The following LRBA variants were observed in gnomAD, a reference collection of about 807,000 sequenced individuals.
LRBA encodes lipopolysaccharide-responsive and beige-like anchor protein.
Under a neutral mutation model 330.0 loss-of-function variants are expected in LRBA, and 176 were observed. The ratio of observed to expected loss-of-function variants is 0.53; its 90% confidence interval spans 0.47 to 0.60. The LOEUF (loss-of-function observed/expected upper bound fraction) is 0.60, where lower values mean the gene tolerates loss of function less well. Ranked by LOEUF, LRBA falls within the 20% of genes least tolerant of loss-of-function variation. LRBA has a pLI of 0.00. For synonymous variants in LRBA, 1,230 were observed against 1,193.0 expected (o/e 1.03, Z -0.64); for missense variants, 3,259 against 3,444.8 (o/e 0.95, Z 1.35).
At chr4:150,364,026 AG>A (rs960205039) in intron 47 of LRBA, among the ~76,000 whole-genome samples, 4 of 152,246 alleles carry the variant, frequency 2.6e-5, no homozygotes, top group African/African-American at 9.6e-5. Context: ...AATTTGAGGT[AG>A]AATGATTACA....
chr4:150,613,516 G>A (rs1344046683), intron 37 of LRBA, among the ~76,000 whole-genome samples: 1 of 152,236 alleles, frequency 6.6e-6, no homozygotes, highest in East Asian at 1.9e-4. Flanking sequence ...TTTTGGAGCG[G>A]CATAAAGCAA....
chr4:150,420,128 C>T (rs942196402), intron 46 of LRBA, among the ~76,000 whole-genome samples: 1 of 150,274 alleles, frequency 6.7e-6, no homozygotes, highest in Non-Finnish European at 1.5e-5. Flanking sequence ...CCTGTAGTCC[C>T]AGCTATTCGA....
At chr4:150,636,750 C>A (rs1279300611) in intron 37 of LRBA, among the ~76,000 whole-genome samples, 2 of 152,172 alleles carry the variant, frequency 1.3e-5, no homozygotes, top group African/African-American at 4.8e-5. Flanking sequence ...TAGGCTCAAG[C>A]GATCCTTCTG....
At chr4:150,324,558 G>A (rs1732986028) in intron 49 of LRBA, among the ~76,000 whole-genome samples, 1 of 149,032 alleles carries the variant, frequency 6.7e-6, no homozygotes, top group African/African-American at 2.5e-5. Flanking sequence ...AAATGACAAA[G>A]AGCACAGAGG....
intron 34 of LRBA, among the ~76,000 whole-genome samples, chr4:150,774,002 G>C (rs1736926470): frequency 1.3e-5 from 2 of 152,198 alleles, no homozygotes; most frequent in South Asian, 4.1e-4. Context: ...TTGAAGAAGA[G>C]TGAGGAAAAG....
chr4:150,801,581 A>T (rs1341269998), intron 33 of LRBA, among the ~76,000 whole-genome samples: 1 of 152,190 alleles, frequency 6.6e-6, no homozygotes, highest in African/African-American at 2.4e-5. Context: ...ACCTGCCTTT[A>T]GCATTTATCT....
intron 17 of LRBA, among the ~76,000 whole-genome samples, chr4:150,890,701 T>C (rs940481620): frequency 3.3e-5 from 5 of 152,146 alleles, no homozygotes; most frequent in Admixed American, 6.5e-5. Context: ...GTTAAGGAAT[T>C]AAAAAATTAC....
At chr4:150,471,030 T>G (rs1462375711) in intron 43 of LRBA, among the ~76,000 whole-genome samples, 2 of 152,188 alleles carry the variant, frequency 1.3e-5, no homozygotes, top group Non-Finnish European at 2.9e-5. Context: ...GAACTGACGC[T>G]AACTCTTCAA....
chr4:150,431,889 A>C (rs1750431402), intron 46 of LRBA, among the ~76,000 whole-genome samples: 1 of 152,152 alleles, frequency 6.6e-6, no homozygotes, highest in South Asian at 2.1e-4. Context: ...CTTTAAAAAC[A>C]GTAAATTATG....
At chr4:150,527,990 A>G (rs1763650193) in intron 40 of LRBA, among the ~76,000 whole-genome samples, 1 of 152,186 alleles carries the variant, frequency 6.6e-6, no homozygotes, top group South Asian at 2.1e-4. Flanking sequence ...TTAGGCATTA[A>G]TTCCTTTCTT....
intron 34 of LRBA, among the ~76,000 whole-genome samples, chr4:150,783,046 A>G (rs1738503758): frequency 6.6e-6 from 1 of 152,198 alleles, no homozygotes; most frequent in Admixed American, 6.5e-5. Context: ...TATAAAGCCT[A>G]TCAGGCTGCA....
intron 37 of LRBA, among the ~76,000 whole-genome samples, chr4:150,642,837 AAC>A (rs1436809474): frequency 6.6e-6 from 1 of 152,032 alleles, no homozygotes; most frequent in African/African-American, 2.4e-5. Context: ...TATGGTTACA[AAC>A]ACACACATAA....
intron 40 of LRBA, among the ~76,000 whole-genome samples, chr4:150,577,988 C>T (rs556924270): frequency 2.6e-5 from 4 of 152,260 alleles, no homozygotes; most frequent in South Asian, 2.1e-4. Context: ...TCCCTGCAGC[C>T]GTTCAAGCTT....
intron 40 of LRBA, among the ~76,000 whole-genome samples, chr4:150,539,259 C>A (rs1221430259): frequency 6.6e-6 from 1 of 152,218 alleles, no homozygotes; most frequent in African/African-American, 2.4e-5. Context: ...CAGGCATAAG[C>A]CACAGTGCCC....
At chr4:150,382,325 G>A (rs1291500200) in intron 47 of LRBA, among the ~76,000 whole-genome samples, 1 of 152,098 alleles carries the variant, frequency 6.6e-6, no homozygotes, top group Non-Finnish European at 1.5e-5. Context: ...CTGAAACTGA[G>A]TAAGAAACCA....
At chr4:150,371,921 A>G (rs1458017215) in intron 47 of LRBA, among the ~76,000 whole-genome samples, 3 of 152,146 alleles carry the variant, frequency 2.0e-5, no homozygotes, top group East Asian at 1.9e-4. Context: ...CCTTTGGTTC[A>G]TAGTCCTATT....
At chr4:150,591,163 T>C (rs1297484660) in intron 38 of LRBA, among the ~76,000 whole-genome samples, 1 of 152,196 alleles carries the variant, frequency 6.6e-6, no homozygotes. Flanking sequence ...AGTACTTTTA[T>C]TGAAAATTCA....
chr4:150,566,032 A>C (rs1019947464), intron 40 of LRBA, among the ~76,000 whole-genome samples: 5 of 150,062 alleles, frequency 3.3e-5, no homozygotes, highest in African/African-American at 1.2e-4. Flanking sequence ...GTTCAAGACC[A>C]GCCTGGGCAA....
At chr4:150,966,207 C>G (rs367811282) in intron 2 of LRBA, among the ~76,000 whole-genome samples, 8 of 152,002 alleles carry the variant, frequency 5.3e-5, no homozygotes, top group African/African-American at 1.9e-4. Flanking sequence ...GAATCAGCAA[C>G]TTATGAGGCA....
Sources: allele counts gnomAD v4.1 joint callset (sites outside exome capture counted in the v4.1 genomes callset), GRCh38; gene constraint gnomAD v4.1.1; transcripts MANE v1.5; gene names NCBI Gene and HGNC (gene_info 2026-07-23, HGNC 2026-07-21).